The following KLK2 variants were observed in gnomAD, a reference collection of about 807,000 sequenced individuals.
KLK2 encodes the protein kallikrein-2.
KLK2 carries 17 observed loss-of-function variants against 23.0 expected under a neutral mutation model. That is an observed-to-expected ratio of 0.74 (90% CI 0.51 to 1.11). The LOEUF is 1.11. KLK2 is among the 50% of genes least tolerant of loss of function. The pLI, the probability that KLK2 is intolerant of heterozygous loss-of-function variation, is 0.00. For synonymous variants in KLK2, 140 were observed against 124.7 expected (o/e 1.12, Z -0.82); for missense variants, 330 against 325.9 (o/e 1.01, Z -0.10).
intron 1 of KLK2, 144 bp from the exon 2 acceptor site, chr19:50,874,577 C>T (rs2090263094): frequency 1.6e-6 from 1 of 619,158 alleles, no homozygotes; most frequent in Non-Finnish European, 2.8e-6. Flanking sequence ...ACAGAATTGC[C>T]AGCCCTCCCA....
rs1215308413 is a variant in KLK2, at chr19:50,876,501, A to G, written c.236A>G (p.Asn79Ser). The G allele has an allele frequency of 6.2e-7, 1 of 1,613,838 alleles. No individual in the cohort carries two copies. ...AGCCAGGTCTGGCTGGGTCGGCACA[A>G]CCTGTTTGAGCCTGAAGACACAGGC... ...KNSQVWLGRH[N>S]LFEPEDTGQR... is the part of the protein sequence containing the mutation. Residue 79 changes from asparagine to serine, a missense_variant, in exon 3 of 5, where the codon AAC (asparagine) becomes AGC (serine). By Grantham distance (46) the Asn-to-Ser change is conservative (BLOSUM62 1). Coordinates refer to ENST00000325321, the MANE Select transcript of KLK2 (RefSeq NM_005551.5).
At position 50,876,675 on chromosome 19, in the gene KLK2, A is replaced by G. The variant is rs768781922; in HGVS notation, c.410A>G (p.Lys137Arg). 53 of 1,614,084 alleles carry G rather than the reference A, an allele frequency of 3.3e-5. No homozygotes were observed. The highest frequency in any genetic ancestry group is 3.0e-5 in the Non-Finnish European group (35 of 1,180,044). The change falls in exon 3 of 5, where the codon AAG (lysine) becomes AGG (arginine). Residue 137 changes from lysine to arginine, a missense_variant. By Grantham distance (26) the Lys-to-Arg change is conservative. Coordinates refer to ENST00000325321, the MANE Select transcript of KLK2 (RefSeq NM_005551.5). ...SEPAKITDVVKVLGLPTQEPA... is the reference protein window; with the variant it reads ...SEPAKITDVVRVLGLPTQEPA... ...CCTGCCAAGATCACAGATGTTGTGA[A>G]GGTCCTGGGCCTGCCCACCCAGGAG...
chr19:50,873,462 A>C lies in KLK2; in HGVS notation c.-12A>C. The C allele has an allele frequency of 6.3e-7, 1 of 1,593,484 alleles. No homozygotes were observed. The highest frequency in any genetic ancestry group is 8.6e-7 in the Non-Finnish European group (1 of 1,167,836). Reference sequence around the variant, plus strand: ...CCAAACTCACCACCTGGCCGTGGACACCTGTGTCAGCATGTGGGACCTGGT... The same window carrying C: ...CCAAACTCACCACCTGGCCGTGGACCCCTGTGTCAGCATGTGGGACCTGGT... On this transcript the variant is annotated 5_prime_UTR_variant, in exon 1 of 5. Transcript: ENST00000325321.
rs2090319242 is a variant in KLK2, at chr19:50,879,211, A to G, written c.*652A>G. 3 of 233,036 alleles carry G rather than the reference A, an allele frequency of 1.3e-5. No individual in the cohort carries two copies. Among genetic ancestry groups the G allele is most frequent in the Non-Finnish European group, 2.5e-5 (3 of 117,930 alleles). The allele number at this position is 233,036 out of a possible 1,614,324, so 14.4% of individuals were successfully genotyped here. A position where few individuals can be genotyped will look rare whatever the true frequency, so the allele number is the denominator to read the frequency against. On this transcript the variant is annotated 3_prime_UTR_variant, in exon 5 of 5. Coordinates refer to ENST00000325321, the MANE Select transcript of KLK2 (RefSeq NM_005551.5). ...TGATTTCCTAGCAGGACTTACAGAA[A>G]TAAAGAGCTATCATGCTGTGGTTTA...
chr19:50,877,044 A>C (rs369204505), intron 4 of KLK2, 36 bp downstream of exon 4: 7 of 1,613,768 alleles, frequency 4.3e-6, no homozygotes, highest in Non-Finnish European at 5.9e-6. Context: ...TGGAGGGGAA[A>C]GGTGAGTGAA....
At chr19:50,874,989 A>G in intron 2 of KLK2, 109 bp downstream of exon 2, 2 of 1,442,030 alleles carry the variant, frequency 1.4e-6, no homozygotes, top group Non-Finnish European at 1.8e-6. Flanking sequence ...ACTAAAGGAG[A>G]GAGGGAAGGT....
chr19:50,874,685 G>A, intron 1 of KLK2, 36 bp from the exon 2 acceptor site: 3 of 1,577,840 alleles, frequency 1.9e-6, no homozygotes, highest in South Asian at 2.4e-5. Flanking sequence ...CAATTCTTTT[G>A]GGTCTGATCC....
chr19:50,879,980 C>T lies in KLK2; in HGVS notation c.*1421C>T, dbSNP rs950249871. The stretch of plus-strand genomic sequence containing the variant: ...AGCCCCCCTGGGGATTTGGTTTGGT[C>T]TTGTGATCAGGTGGTCTATGGGGCT... On this transcript the variant is annotated 3_prime_UTR_variant, in exon 5 of 5. Transcript: ENST00000325321. 5 of 229,948 alleles carry T rather than the reference C, an allele frequency of 2.2e-5. No homozygotes were observed. The highest frequency in any genetic ancestry group is 1.1e-4 in the African/African-American group (5 of 45,130). 14.2% of individuals were successfully genotyped at this position (229,948 alleles called of 1,614,324 possible).
At chr19:50,873,550 G>A (rs371299015) in intron 1 of KLK2, 31 bp downstream of exon 1, 98 of 1,433,142 alleles carry the variant, frequency 6.8e-5, no homozygotes, top group Non-Finnish European at 7.5e-5. Context: ...GAAGGGGGGC[G>A]GGTTCTGACT....
chr19:50,876,855 T>C lies in KLK2; in HGVS notation c.494-17T>C. On this transcript the variant is annotated splice_polypyrimidine_tract_variant and intron_variant, in intron 3 of 4. Transcript: ENST00000325321. ...AGGTGGGGTCCGGCCACAGCCCAGT[T>C]TTTCTCTGACCCATAGTCTTGCGCC... 6.2e-7 allele frequency: 1 copy of C among 1,612,870 alleles called. No individual in the cohort carries two copies. The highest frequency in any genetic ancestry group is 8.5e-7 in the Non-Finnish European group (1 of 1,179,160).
rs141433497 is a variant in KLK2, at chr19:50,876,639, G to A, written c.374G>A (p.Arg125His). 230 of 1,614,158 alleles carry A rather than the reference G, an allele frequency of 1.4e-4. No individual in the cohort carries two copies. The highest frequency in any genetic ancestry group is 1.5e-4 in the Admixed American group (9 of 60,018). ...TCCAGCCATGACCTCATGCTGCTCC[G>A]CCTGTCAGAGCCTGCCAAGATCACA... is the stretch of plus-strand genomic sequence containing the variant. ...EDSSHDLMLL[R>H]LSEPAKITDV... Residue 125 changes from arginine (R) to histidine (H), a missense_variant, in exon 3 of 5, where the codon CGC becomes CAC. Physicochemically the swap from Arg to His is conservative, Grantham distance 29. Coordinates refer to ENST00000325321, the MANE Select transcript of KLK2 (RefSeq NM_005551.5).
Position 50,876,532 on chromosome 19 carries a change from G to C in KLK2, c.267G>C (p.Arg89Ser), listed in dbSNP as rs757874417. Residue 89 changes from arginine to serine, a missense_variant, in exon 3 of 5, where the codon AGG becomes AGC. Physicochemically the swap from Arg to Ser is moderately radical, Grantham distance 110. Transcript: ENST00000325321. ...NLFEPEDTGQ[R>S]VPVSHSFPHP... ...TTGAGCCTGAAGACACAGGCCAGAG[G>C]GTCCCTGTCAGCCACAGCTTCCCAC... The C allele has an allele frequency of 3.1e-6, 5 of 1,614,146 alleles. No homozygotes were observed. The East Asian group carries it at 1.1e-4, about 36-fold the overall frequency.
In KLK2 at chr19:50,879,734, T is replaced by G. The variant is rs950283397; in HGVS notation, c.*1175T>G. 3 of 229,464 alleles carry G rather than the reference T, an allele frequency of 1.3e-5. No homozygotes were observed. The highest frequency in any genetic ancestry group is 2.6e-5 in the Non-Finnish European group (3 of 115,738). 14.2% of individuals were successfully genotyped at this position (229,464 alleles called of 1,614,324 possible). A position where few individuals can be genotyped will look rare whatever the true frequency, so the allele number is the denominator to read the frequency against. On this transcript the variant is annotated 3_prime_UTR_variant, in exon 5 of 5. Transcript: ENST00000325321. ...AGTCCCAGATGTACAAAAACAGGGA[T>G]TCATCACAAATCCCATCTTTAGCAT...
chr19:50,878,125 G>C (rs1290826986), intron 4 of KLK2, among the ~76,000 whole-genome samples: 3 of 152,164 alleles, frequency 2.0e-5, no homozygotes, highest in Admixed American at 6.5e-5. Flanking sequence ...CCCTCATCCT[G>C]CTGACCTGTC....
chr19:50,875,085 G>T, intron 2 of KLK2: 1 of 985,932 alleles, frequency 1.0e-6, no homozygotes, highest in Non-Finnish European at 1.4e-6. Context: ...GTCTGATCTC[G>T]CTGTGTCTCT....
chr19:50,878,401 T>C lies in KLK2; in HGVS notation c.631-3T>C. ...CACTGTGTCTCTCCTCCTTTACCCT[T>C]AGGGTGATTCTGGGGGTCCACTTGT... On this transcript the variant is annotated splice_polypyrimidine_tract_variant and splice_region_variant and intron_variant, in intron 4 of 4. Transcript: ENST00000325321. 6.2e-7 allele frequency: 1 copy of C among 1,612,160 alleles called. No homozygotes were observed. The highest frequency in any genetic ancestry group is 1.1e-5 in the South Asian group (1 of 90,932).
At chr19:50,874,526 G>C (rs1399199003) in intron 1 of KLK2, 195 bp from the exon 2 acceptor site, 1 of 525,582 alleles carries the variant, frequency 1.9e-6, no homozygotes, top group Non-Finnish European at 3.4e-6. Flanking sequence ...GAAGCCTCCC[G>C]ACCTGGTCCA....
In KLK2 at chr19:50,878,560, G is replaced by C; in HGVS notation, c.*1G>C. ...GGACACCATCGCAGCCAACCCCTGA[G>C]TGCCCCTGTCCCACCCCTACCTCTA... On this transcript the variant is annotated 3_prime_UTR_variant, in exon 5 of 5. Coordinates refer to ENST00000325321, the MANE Select transcript of KLK2 (RefSeq NM_005551.5). 3 of 1,612,606 alleles carry C rather than the reference G, an allele frequency of 1.9e-6. No individual in the cohort carries two copies. The highest frequency in any genetic ancestry group is 2.5e-6 in the Non-Finnish European group (3 of 1,178,888).
At chr19:50,876,208 C>T (rs1193974360) in intron 2 of KLK2, 5 of 535,538 alleles carry the variant, frequency 9.3e-6, no homozygotes, top group Non-Finnish European at 1.3e-5. Context: ...TCACTGTTCT[C>T]CCTTCTGTTT....
Sources: gnomAD v4.1 joint callset for allele counts (sites outside exome capture counted in the v4.1 genomes callset) on GRCh38, gnomAD v4.1.1 for gene constraint, MANE v1.5 for transcripts, NCBI Gene and HGNC (gene_info 2026-07-23, HGNC 2026-07-21) for gene names.